SPATS2: variants seen among roughly 807,000 people sequenced by gnomAD.
SPATS2 encodes spermatogenesis associated serine rich 2.
SPATS2 carries 38 observed loss-of-function variants against 63.7 expected under a neutral mutation model. That is an observed-to-expected ratio of 0.60 (90% CI 0.46 to 0.78). SPATS2 has a LOEUF of 0.78. Ranked by LOEUF, SPATS2 falls within the 30% of genes least tolerant of loss-of-function variation. SPATS2 has a pLI of 0.00. For missense variants in SPATS2, 588 were observed against 666.2 expected, an observed-to-expected ratio of 0.88 and a Z score of 1.29; for synonymous variants, 207 against 232.9, an observed-to-expected ratio of 0.89 and a Z score of 1.01.
intron 7 of SPATS2, among the ~76,000 whole-genome samples, chr12:49,496,026 C>T (rs997119071): frequency 2.0e-5 from 3 of 152,012 alleles, no homozygotes; most frequent in Non-Finnish European, 2.9e-5. Flanking sequence ...CTTGTTAATC[C>T]AGTTCCCCTG....
chr12:49,494,704 T>C, intron 6 of SPATS2, 37 bp from the exon 7 acceptor site: 1 of 1,471,946 alleles, frequency 6.8e-7, no homozygotes, highest in Non-Finnish European at 9.0e-7. Context: ...ATCTTTTCTT[T>C]CTTTTCTTTT....
chr12:49,436,351 C>T (rs539759406), intron 2 of SPATS2, among the ~76,000 whole-genome samples: 1 of 146,308 alleles, frequency 6.8e-6, no homozygotes, highest in South Asian at 2.2e-4. Context: ...GGCGGCCGGG[C>T]AGAGGCGCCC....
intron 6 of SPATS2, among the ~76,000 whole-genome samples, chr12:49,491,595 G>A (rs1946383970): frequency 6.6e-6 from 1 of 152,162 alleles, no homozygotes; most frequent in Admixed American, 6.5e-5. Flanking sequence ...TCCACTTTGA[G>A]AGGTAGAAAG....
At chr12:49,508,877 A>G (rs983130463) in intron 9 of SPATS2, among the ~76,000 whole-genome samples, 4 of 152,070 alleles carry the variant, frequency 2.6e-5, no homozygotes, top group African/African-American at 9.7e-5. Flanking sequence ...CAGCCTGACC[A>G]ACAAGGTGAA....
chr12:49,390,518 T>A (rs540501535), intron 2 of SPATS2, among the ~76,000 whole-genome samples: 1 of 152,336 alleles, frequency 6.6e-6, no homozygotes, highest in African/African-American at 2.4e-5. Context: ...AATTTAAAAA[T>A]ATAAAGTTTT....
chr12:49,471,090 T>C (rs1202341323), intron 3 of SPATS2, among the ~76,000 whole-genome samples: 1 of 152,212 alleles, frequency 6.6e-6, no homozygotes, highest in Non-Finnish European at 1.5e-5. Context: ...ATCTCTTTAC[T>C]GCTCTAGGTC....
rs75722211 is a variant in SPATS2 at position 49,457,007 on chromosome 12, T to C, written c.-243-3763T>C. Among the ~76,000 whole-genome samples the C allele has an allele frequency of 1.8e-3, 270 of 152,282 alleles. 5 individuals are homozygous for C. The East Asian group carries it at 0.049, about 28-fold the overall frequency. ...CTGTTTCTTGCTATTTCTGACTTCT[T>C]ATTGGATCCATAATTTTTTTCCAGT... On this transcript the variant is annotated intron_variant, in intron 2 of 13. Transcript: ENST00000552918.
At position 49,468,430 on chromosome 12, in the gene SPATS2, G is replaced by T. The variant is rs1168389432; in HGVS notation, c.25+7393G>T. Among the ~76,000 whole-genome samples the T allele has an allele frequency of 3.9e-5, 6 of 151,982 alleles. No individual in the cohort carries two copies. The South Asian group carries it at 6.2e-4, about 16-fold the overall frequency. On this transcript the variant is annotated intron_variant, in intron 3 of 13. Coordinates refer to ENST00000552918, the MANE Select transcript of SPATS2 (RefSeq NM_023071.4). ...CTGCCTCGACCTCCCAAAGTGCTGG[G>T]ATTACAGGCGTGAACCACTGTGCCC...
chr12:49,377,191 G>A (rs1198486219), intron 2 of SPATS2, among the ~76,000 whole-genome samples: 1 of 152,064 alleles, frequency 6.6e-6, no homozygotes, highest in Non-Finnish European at 1.5e-5. Context: ...ATTACTCAAA[G>A]GTTGTATTGT....
chr12:49,437,798 C>T (rs927081349), intron 2 of SPATS2, among the ~76,000 whole-genome samples: 1 of 151,984 alleles, frequency 6.6e-6, no homozygotes, highest in African/African-American at 2.4e-5. Context: ...AGCTTTGGCT[C>T]GGCATCAGGG....
Position 49,524,681 on chromosome 12 carries a change from G to T in SPATS2, c.1112-1G>T. On this transcript the variant is annotated splice_acceptor_variant, in intron 12 of 13. Coordinates refer to ENST00000552918, the MANE Select transcript of SPATS2 (RefSeq NM_023071.4). LOFTEE classifies it high-confidence loss of function. ...ATATATTCCTCATATTTCTGTTTCA[G>T]TGTCTCATCCAAAGAACAGCTATTC... The T allele has an allele frequency of 6.2e-7, 1 of 1,614,002 alleles. No individual in the cohort carries two copies. Among genetic ancestry groups the T allele is most frequent in the Non-Finnish European group, 8.5e-7 (1 of 1,179,952 alleles).
In SPATS2 at chr12:49,465,024, T is replaced by G. The variant is rs370960045; in HGVS notation, c.25+3987T>G. 4.7e-4 allele frequency among the ~76,000 whole-genome samples: 72 copies of G among 152,358 alleles called. No individual in the cohort carries two copies. In the South Asian group the frequency reaches 0.012, roughly 26 times the overall value. The stretch of plus-strand genomic sequence containing the variant: ...CTTCTTTTCACTTAGTGTAATGTTT[T>G]TAAGGTTCCTCCATATTGTTGAATG... On this transcript the variant is annotated intron_variant, in intron 3 of 13. Transcript: ENST00000552918.
chr12:49,508,891 C>G (rs1946698170), intron 9 of SPATS2, among the ~76,000 whole-genome samples: 1 of 152,058 alleles, frequency 6.6e-6, no homozygotes, highest in South Asian at 2.1e-4. Flanking sequence ...AGGTGAAACC[C>G]CATTTCTCCT....
At chr12:49,397,158 C>A (rs1283769426) in intron 2 of SPATS2, among the ~76,000 whole-genome samples, 2 of 152,162 alleles carry the variant, frequency 1.3e-5, no homozygotes, top group Non-Finnish European at 2.9e-5. Flanking sequence ...ACCTTCTCAT[C>A]TTTGGGCTCT....
At chr12:49,397,894 A>C (rs1411625918) in intron 2 of SPATS2, among the ~76,000 whole-genome samples, 1 of 150,346 alleles carries the variant, frequency 6.7e-6, no homozygotes, top group African/African-American at 2.4e-5. Context: ...CCACATCTGT[A>C]ATCCCAGCAC....
chr12:49,525,180 G>A (rs1947011997), intron 13 of SPATS2, among the ~76,000 whole-genome samples: 1 of 152,308 alleles, frequency 6.6e-6, no homozygotes, highest in East Asian at 1.9e-4. Context: ...ACTGGGAGTC[G>A]TGCACCCATC....
chr12:49,446,963 C>T (rs1218581418), intron 2 of SPATS2, among the ~76,000 whole-genome samples: 2 of 149,848 alleles, frequency 1.3e-5, no homozygotes, highest in African/African-American at 2.5e-5. Flanking sequence ...CAGTCTTACT[C>T]TGTCGCCCAG....
intron 1 of SPATS2, among the ~76,000 whole-genome samples, chr12:49,367,903 G>A (rs758242865): frequency 4.6e-5 from 7 of 152,162 alleles, no homozygotes; most frequent in Non-Finnish European, 8.8e-5. Context: ...GAGCGAGATA[G>A]AACGAAAGAA....
At chr12:49,408,507 C>A (rs550543920) in intron 2 of SPATS2, among the ~76,000 whole-genome samples, 14 of 151,260 alleles carry the variant, frequency 9.3e-5, no homozygotes, top group African/African-American at 3.4e-4. Context: ...CCTGCCTTGG[C>A]CTCCCAAAGT....
Sources: allele counts gnomAD v4.1 joint callset (sites outside exome capture counted in the v4.1 genomes callset), GRCh38; gene constraint gnomAD v4.1.1; transcripts MANE v1.5; gene names NCBI Gene and HGNC (gene_info 2026-07-23, HGNC 2026-07-21).